Variants in STKLD1 observed in about 807,000 individuals in gnomAD.
The protein encoded by STKLD1 is serine/threonine kinase like domain containing 1.
A neutral mutation model predicts 80.4 loss-of-function variants in STKLD1; 79 were observed. That is an observed-to-expected ratio of 0.98 (90% CI 0.82 to 1.19). STKLD1 has a LOEUF of 1.19. STKLD1 is among the 50% of genes most tolerant of loss of function. The pLI is 0.00. For missense variants in STKLD1, 841 were observed against 856.0 expected, an observed-to-expected ratio of 0.98 and a Z score of 0.22; for synonymous variants, 393 against 357.6, an observed-to-expected ratio of 1.10 and a Z score of -1.12.
chr9:133,378,610 C>G (rs1838060679), intron 1 of STKLD1, among the ~76,000 whole-genome samples: 2 of 152,226 alleles, frequency 1.3e-5, no homozygotes, highest in South Asian at 4.1e-4. Flanking sequence ...TGGCACCATG[C>G]CAGGCACACA....
At chr9:133,396,097 A>G (rs1554776707) in intron 9 of STKLD1, 1 of 188,914 alleles carries the variant, frequency 5.3e-6, no homozygotes, top group East Asian at 1.2e-4. Flanking sequence ...TCACCTTTAA[A>G]TTTTTCATTC....
At chr9:133,400,222 C>T (rs1838663685) in intron 11 of STKLD1, among the ~76,000 whole-genome samples, 191 bp from the exon 12 acceptor site, 1 of 152,226 alleles carries the variant, frequency 6.6e-6, no homozygotes, top group South Asian at 2.1e-4. Context: ...GTGGGCAGCA[C>T]AGAGCAGGAC....
chr9:133,401,088 TAA>T (rs782637127), intron 12 of STKLD1, among the ~76,000 whole-genome samples: 2 of 151,980 alleles, frequency 1.3e-5, no homozygotes, highest in Non-Finnish European at 2.9e-5. Flanking sequence ...CATGGGTTGT[TAA>T]AAGAGTTGAA....
At chr9:133,378,162 G>A (rs2130256911) in intron 1 of STKLD1, among the ~76,000 whole-genome samples, 47 of 152,282 alleles carry the variant, frequency 3.1e-4, no homozygotes, top group African/African-American at 9.1e-4. Flanking sequence ...AACAGGCCAC[G>A]GACTAGGTTG....
chr9:133,401,624 C>T (rs1025516756), intron 12 of STKLD1, 114 bp from the exon 13 acceptor site: 6 of 1,328,164 alleles, frequency 4.5e-6, no homozygotes, highest in Middle Eastern at 2.7e-4. Flanking sequence ...AGGCAGACCT[C>T]GGTTTCCTTC....
chr9:133,387,248 G>C (rs1382706574), intron 4 of STKLD1, among the ~76,000 whole-genome samples, 199 bp from the exon 5 acceptor site: 2 of 151,862 alleles, frequency 1.3e-5, no homozygotes, highest in Non-Finnish European at 2.9e-5. Flanking sequence ...GTGTGGAGTG[G>C]AGGTGGAGCC....
At chr9:133,386,677 T>C (rs1433014494) in intron 4 of STKLD1, among the ~76,000 whole-genome samples, 1 of 152,226 alleles carries the variant, frequency 6.6e-6, no homozygotes, top group Non-Finnish European at 1.5e-5. Flanking sequence ...CCGGGTCCTG[T>C]AGGCTGGATG....
Position 133,403,995 on chromosome 9 carries a change from C to A in STKLD1, c.1679C>A (p.Ala560Asp), listed in dbSNP as rs782093937. The change falls in exon 16 of 18, where the codon GCC (alanine) becomes GAC (aspartate). Residue 560 changes from alanine (A) to aspartate (D), a missense_variant. By Grantham distance (126) the Ala-to-Asp change is moderately radical. Coordinates refer to ENST00000371957, the MANE Select transcript of STKLD1 (RefSeq NM_153710.5). ...LQSIRLCQDR[A>D]LLVNNAYRGL... ...AGCATCCGGCTGTGCCAGGACAGAG[C>A]CCTGCTGGTGAACAATGCCTACCGG... The A allele has an allele frequency of 1.9e-6, 3 of 1,611,870 alleles. No individual in the cohort carries two copies. The highest frequency in any genetic ancestry group is 2.5e-6 in the Non-Finnish European group (3 of 1,179,278).
chr9:133,376,436 A>G lies in STKLD1; in HGVS notation c.-38A>G, dbSNP rs2130247543. 6.5e-7 allele frequency: 1 copy of G among 1,538,334 alleles called. No homozygotes were observed. Among genetic ancestry groups the G allele is most frequent in the East Asian group, 2.5e-5 (1 of 39,536 alleles). ...CCACTGACCCACGCGGGGTGGGGCC[A>G]GGGGTGGACGCTCGCCCGTACGCGG... On this transcript the variant is annotated 5_prime_UTR_variant, in exon 1 of 18. Transcript: ENST00000371957.
chr9:133,386,772 A>G (rs1202159437), intron 4 of STKLD1, among the ~76,000 whole-genome samples: 1 of 152,214 alleles, frequency 6.6e-6, no homozygotes, highest in Non-Finnish European at 1.5e-5. Flanking sequence ...AGCAGGCACA[A>G]GGGGTGCTGG....
At chr9:133,398,093 C>T (rs372810649) in intron 11 of STKLD1, 38 bp downstream of exon 11, 3 of 1,594,908 alleles carry the variant, frequency 1.9e-6, no homozygotes, top group Non-Finnish European at 2.6e-6. Context: ...AGCTGCTCCC[C>T]TAGGGGCAGA....
chr9:133,383,262 AGTGATGG>A (rs1838184674), intron 2 of STKLD1, among the ~76,000 whole-genome samples: 1 of 47,532 alleles, frequency 2.1e-5, no homozygotes, highest in African/African-American at 7.6e-5. Context: ...GTGGTGTTGG[AGTGATGG>A]TGGTAATGGT....
At chr9:133,396,955 T>TACGTC (rs1415047642) in intron 9 of STKLD1, among the ~76,000 whole-genome samples, 1 of 151,982 alleles carries the variant, frequency 6.6e-6, no homozygotes, top group Admixed American at 6.6e-5. Context: ...CTCCATGGAG[T>TACGTC]ACGTCCCTGG....
chr9:133,404,015 T>C lies in STKLD1; in HGVS notation c.1699T>C (p.Tyr567His), dbSNP rs782136346. 1 of 1,611,210 alleles carries C rather than the reference T, an allele frequency of 6.2e-7. No homozygotes were observed. Among genetic ancestry groups the C allele is most frequent in the Non-Finnish European group, 8.5e-7 (1 of 1,179,022 alleles). The change falls in exon 16 of 18, where the codon TAC becomes CAC. Residue 567 changes from tyrosine to histidine, a missense_variant. Physicochemically the swap from Tyr to His is moderately conservative, Grantham distance 83. Transcript: ENST00000371957. ...CAGAGCCCTGCTGGTGAACAATGCC[T>C]ACCGGGGACTGGCCAGCCTGGTGAA... is the stretch of plus-strand genomic sequence containing the variant. Reference protein sequence around the residue: ...QDRALLVNNAYRGLASLVKVS... With the variant: ...QDRALLVNNAHRGLASLVKVS...
chr9:133,400,765 G>A (rs1315864378), intron 12 of STKLD1, among the ~76,000 whole-genome samples: 3 of 152,234 alleles, frequency 2.0e-5, no homozygotes, highest in African/African-American at 7.2e-5. Flanking sequence ...TCTAACCACT[G>A]GAGAGTCCAT....
intron 12 of STKLD1, among the ~76,000 whole-genome samples, chr9:133,401,382 C>G (rs866188335): frequency 6.6e-6 from 1 of 152,120 alleles, no homozygotes; most frequent in African/African-American, 2.4e-5. Flanking sequence ...GTGATCCACC[C>G]GCCTCAGCCT....
At chr9:133,405,029 T>A in intron 17 of STKLD1, 100 bp downstream of exon 17, 1 of 1,501,890 alleles carries the variant, frequency 6.7e-7, no homozygotes, top group Non-Finnish European at 9.0e-7. Flanking sequence ...GAAGGTGGGC[T>A]CAACCCCACT....
chr9:133,386,429 C>T (rs937951325), intron 4 of STKLD1, among the ~76,000 whole-genome samples: 1 of 152,214 alleles, frequency 6.6e-6, no homozygotes, highest in Non-Finnish European at 1.5e-5. Flanking sequence ...GCTAGTTGAC[C>T]TCCGTCTCCA....
chr9:133,403,678 T>G lies in STKLD1; in HGVS notation c.1475-22T>G, dbSNP rs782479308. On this transcript the variant is annotated intron_variant, in intron 14 of 17. Transcript: ENST00000371957. The stretch of plus-strand genomic sequence containing the variant: ...CACACCCAAGGCCTGGGTGTCCCCT[T>G]CCATCCCTGTCCTCGTTCCAGGTAT... 6 of 1,608,688 alleles carry G rather than the reference T, an allele frequency of 3.7e-6. No individual in the cohort carries two copies. In the South Asian group the frequency reaches 6.6e-5, roughly 18 times the overall value.
Sources: allele counts gnomAD v4.1 joint callset (sites outside exome capture counted in the v4.1 genomes callset), GRCh38; gene constraint gnomAD v4.1.1; transcripts MANE v1.5; gene names NCBI Gene and HGNC (gene_info 2026-07-23, HGNC 2026-07-21).